The following ZBTB17 variants were observed in gnomAD, a reference collection of about 807,000 sequenced individuals.
The protein encoded by ZBTB17 is zinc finger and BTB domain-containing protein 17.
A neutral mutation model predicts 85.1 loss-of-function variants in ZBTB17; 24 were observed. The observed-to-expected ratio is 0.28, with a 90% CI of 0.20 to 0.40. ZBTB17 has a LOEUF of 0.40. ZBTB17 is among the 10% of genes least tolerant of loss of function. The pLI is 1.00. For synonymous variants in ZBTB17, 464 were observed against 460.2 expected, an observed-to-expected ratio of 1.01 and a Z score of -0.11; for missense variants, 743 against 1,105.1, an observed-to-expected ratio of 0.67 and a Z score of 4.65.
At chr1:15,943,293 G>C in intron 12 of ZBTB17, 99 bp from the exon 13 acceptor site, 1 of 1,597,782 alleles carries the variant, frequency 6.3e-7, no homozygotes, top group Non-Finnish European at 8.6e-7. Flanking sequence ...CAGAGCCTGG[G>C]GCGTGGGCAG....
chr1:15,970,309 T>C (rs1428591332), intron 2 of ZBTB17: 1 of 261,444 alleles, frequency 3.8e-6, no homozygotes, highest in Middle Eastern at 1.2e-3. Flanking sequence ...AAACTGATGC[T>C]GAGAAGGAAA....
rs1007453612 is a variant in ZBTB17 at position 15,944,288 on chromosome 1, G to A, written c.1371+12C>T. On this transcript the variant is annotated intron_variant, in intron 9 of 15. Transcript: ENST00000375743. ...GGCTGCCAGGCGCTGGTTCCGGGAGGGGTCCGCACACCTGGTTGAACTTCT... is the reference window on the plus strand; with the variant it reads ...GGCTGCCAGGCGCTGGTTCCGGGAGAGGTCCGCACACCTGGTTGAACTTCT... 4 of 1,550,284 alleles carry A rather than the reference G, an allele frequency of 2.6e-6. No homozygotes were observed. Among genetic ancestry groups the A allele is most frequent in the Non-Finnish European group, 3.5e-6 (4 of 1,146,982 alleles).
rs186514124 is a variant in ZBTB17, at chr1:15,966,624, C to A, written c.-3+6415G>T. 6.6e-6 allele frequency among the ~76,000 whole-genome samples: 1 copy of A among 152,170 alleles called. No individual in the cohort carries two copies. Among genetic ancestry groups the A allele is most frequent in the Non-Finnish European group, 1.5e-5 (1 of 68,032 alleles). Reference sequence around the variant, plus strand: ...AGAGCCTAAGCCCCAGTTTTCTACACGTATCTGTGCTGACTGCATTACTGA... The same window carrying A: ...AGAGCCTAAGCCCCAGTTTTCTACAAGTATCTGTGCTGACTGCATTACTGA... On this transcript the variant is annotated intron_variant, in intron 2 of 15. Transcript: ENST00000375743. The surrounding 1 kb of genome is among the most constrained non-coding windows in gnomAD (Gnocchi z 4.1).
At chr1:15,962,814 G>A (rs777685280) in intron 2 of ZBTB17, among the ~76,000 whole-genome samples, 4 of 152,184 alleles carry the variant, frequency 2.6e-5, no homozygotes, top group Non-Finnish European at 5.9e-5. Context: ...GGTGGCACAT[G>A]ACTGTAGTCC....
At position 15,951,170 on chromosome 1, in the gene ZBTB17, A is replaced by G. The variant is rs1444310317; in HGVS notation, c.-2-2673T>C. Among the ~76,000 whole-genome samples the G allele has an allele frequency of 6.6e-6, 1 of 152,184 alleles. No homozygotes were observed. The highest frequency in any genetic ancestry group is 1.5e-5 in the Non-Finnish European group (1 of 68,032). Reference sequence around the variant, plus strand: ...CCACACACGGGTGTTAGGAGGAGAAACAGAGGCGTCTATAATCCTCTGAGG... The same window carrying G: ...CCACACACGGGTGTTAGGAGGAGAAGCAGAGGCGTCTATAATCCTCTGAGG... On this transcript the variant is annotated intron_variant, in intron 2 of 15. Transcript: ENST00000375743. The surrounding 1 kb of genome is among the most constrained non-coding windows in gnomAD (Gnocchi z 4.1).
intron 2 of ZBTB17, among the ~76,000 whole-genome samples, chr1:15,960,167 A>G (rs192397411): frequency 1.4e-4 from 21 of 152,130 alleles, no homozygotes; most frequent in African/African-American, 4.8e-4. Flanking sequence ...CAGTTAAAAC[A>G]CTCCTACCTC....
In ZBTB17 at chr1:15,945,739, C is replaced by T. The variant is rs548130871; in HGVS notation, c.637G>A (p.Ala213Thr). 6.2e-6 allele frequency: 10 copies of T among 1,607,076 alleles called. No homozygotes were observed. In the East Asian group the frequency reaches 1.3e-4, roughly 21 times the overall value. ...CCTTGCTCCGAGCTCTCGGACAAAG[C>T]GGCCTCAGCTTCTGCAGCAGCCATG... Reference protein sequence around the residue: ...SGMAAAEAEAALSESSEQEME... With the variant: ...SGMAAAEAEATLSESSEQEME... Residue 213 changes from alanine (A) to threonine (T), a missense_variant, in exon 6 of 16, where the codon GCT becomes ACT. Coordinates refer to ENST00000375743, the MANE Select transcript of ZBTB17 (RefSeq NM_003443.3).
chr1:15,948,752 C>T (rs2268341), intron 2 of ZBTB17, among the ~76,000 whole-genome samples: 50,768 of 152,028 alleles, frequency 0.33, 8,977 homozygotes, highest in South Asian at 0.48. Flanking sequence ...GGCACCAACA[C>T]GAGGCAGCCG....
chr1:15,945,273 C>T (rs978983317), intron 6 of ZBTB17, 71 bp from the exon 7 acceptor site: 51 of 1,520,190 alleles, frequency 3.4e-5, no homozygotes, highest in Non-Finnish European at 4.5e-5. Flanking sequence ...GCGCCGGCAA[C>T]ATGTGGAAGG....
intron 2 of ZBTB17, among the ~76,000 whole-genome samples, chr1:15,950,660 C>T (rs1042656555): frequency 2.6e-5 from 4 of 152,220 alleles, no homozygotes; most frequent in African/African-American, 9.6e-5. Flanking sequence ...TCCTCACCTT[C>T]CCCAGGAGCC....
chr1:15,957,820 G>A (rs1325183522), intron 2 of ZBTB17, among the ~76,000 whole-genome samples: 1 of 152,174 alleles, frequency 6.6e-6, no homozygotes, highest in Admixed American at 6.5e-5. Flanking sequence ...AGTCAAGGAT[G>A]ACACTAAGAT....
In ZBTB17 at chr1:15,966,325, G is replaced by A. The variant is rs2072439692; in HGVS notation, c.-3+6714C>T. 6.6e-6 allele frequency among the ~76,000 whole-genome samples: 1 copy of A among 152,160 alleles called. No homozygotes were observed. The highest frequency in any genetic ancestry group is 1.5e-5 in the Non-Finnish European group (1 of 68,028). ...GTTAATAAGTTCCAGTATAGGAAGT[G>A]GTGCGGCTGGGGTGGGGAGAACAGA... On this transcript the variant is annotated intron_variant, in intron 2 of 15. Coordinates refer to ENST00000375743, the MANE Select transcript of ZBTB17 (RefSeq NM_003443.3). The surrounding 1 kb of genome is among the most constrained non-coding windows in gnomAD (Gnocchi z 4.1).
chr1:15,950,921 C>G (rs1038938824), intron 2 of ZBTB17, among the ~76,000 whole-genome samples: 3 of 152,164 alleles, frequency 2.0e-5, no homozygotes, highest in African/African-American at 4.8e-5. Context: ...ATACAGCTGT[C>G]CTGGGACTGG....
At chr1:15,972,042 C>T (rs1553187559) in intron 2 of ZBTB17, among the ~76,000 whole-genome samples, 1 of 152,288 alleles carries the variant, frequency 6.6e-6, no homozygotes, top group South Asian at 2.1e-4. Flanking sequence ...GTCCAAAATG[C>T]GCGGTTTGCA....
At chr1:15,963,767 A>G (rs848198) in intron 2 of ZBTB17, among the ~76,000 whole-genome samples, 16,042 of 152,190 alleles carry the variant, frequency 0.11, 1,220 homozygotes, top group Admixed American at 0.23. Flanking sequence ...TAGTATATAT[A>G]TAAGTGAGCA....
intron 6 of ZBTB17, 36 bp from the exon 7 acceptor site, chr1:15,945,238 C>G: frequency 6.5e-7 from 1 of 1,546,240 alleles, no homozygotes; most frequent in Non-Finnish European, 8.7e-7. Context: ...GGCGGCAGCC[C>G]TCTCTGCCTG....
At chr1:15,943,041 G>A in intron 13 of ZBTB17, 23 bp downstream of exon 13, 1 of 1,613,682 alleles carries the variant, frequency 6.2e-7, no homozygotes, top group East Asian at 2.2e-5. Context: ...GAAGGAACAG[G>A]CATGGTAGGG....
intron 2 of ZBTB17, among the ~76,000 whole-genome samples, chr1:15,958,116 T>C (rs536338609): frequency 2.0e-5 from 3 of 152,138 alleles, no homozygotes; most frequent in African/African-American, 7.2e-5. Context: ...ACCTGTAAAA[T>C]AGGAAAACCA....
At chr1:15,970,943 AAGG>A (rs2072627793) in intron 2 of ZBTB17, among the ~76,000 whole-genome samples, 1 of 152,192 alleles carries the variant, frequency 6.6e-6, no homozygotes, top group South Asian at 2.1e-4. Flanking sequence ...CAACCTAGAG[AAGG>A]AGAATGCTTT....
Sources: allele counts gnomAD v4.1 joint callset (sites outside exome capture counted in the v4.1 genomes callset), GRCh38; gene constraint gnomAD v4.1.1; non-coding constraint Gnocchi (gnomAD v3.1); transcripts MANE v1.5; gene names NCBI Gene and HGNC (gene_info 2026-07-23, HGNC 2026-07-21).